The following MAGI2 variants were observed in gnomAD, a reference collection of about 807,000 sequenced individuals.
The protein encoded by MAGI2 is membrane-associated guanylate kinase, WW and PDZ domain-containing protein 2.
Under a neutral mutation model 133.3 loss-of-function variants are expected in MAGI2, and 35 were observed. The observed-to-expected ratio is 0.26, with a 90% CI of 0.20 to 0.35. The LOEUF (loss-of-function observed/expected upper bound fraction) is 0.35, where lower values mean the gene tolerates loss of function less well. Among genes scored for constraint, MAGI2 ranks in the 10% least tolerant of loss-of-function variants. MAGI2 has a pLI of 1.00. For missense variants in MAGI2, 1,636 were observed against 1,863.4 expected, an observed-to-expected ratio of 0.88 and a Z score of 2.25; for synonymous variants, 729 against 710.6, an observed-to-expected ratio of 1.03 and a Z score of -0.41.
At chr7:78,065,341 C>T (rs1173661475) in intron 21 of MAGI2, among the ~76,000 whole-genome samples, 1 of 152,152 alleles carries the variant, frequency 6.6e-6, no homozygotes, top group Non-Finnish European at 1.5e-5. Flanking sequence ...TGCTTCCTTC[C>T]TGCTGGGGTC....
chr7:79,149,104 A>ATATAT (rs1006652898), intron 1 of MAGI2, among the ~76,000 whole-genome samples: 2 of 144,272 alleles, frequency 1.4e-5, no homozygotes, highest in African/African-American at 5.1e-5. Context: ...ATGTAATATA[A>ATATAT]TATATTATAT....
At chr7:79,312,711 T>G (rs1036480593) in intron 1 of MAGI2, among the ~76,000 whole-genome samples, 1 of 152,204 alleles carries the variant, frequency 6.6e-6, no homozygotes, top group Admixed American at 6.5e-5. Context: ...TGGCACAAAG[T>G]GTGCATACAA....
intron 2 of MAGI2, among the ~76,000 whole-genome samples, chr7:78,983,980 A>G (rs540294775): frequency 1.2e-4 from 18 of 152,042 alleles, no homozygotes; most frequent in Non-Finnish European, 2.4e-4. Flanking sequence ...TGTTATCTCC[A>G]TTTAAATGTC....
At chr7:78,904,352 G>C (rs1048600693) in intron 2 of MAGI2, among the ~76,000 whole-genome samples, 1 of 152,196 alleles carries the variant, frequency 6.6e-6, no homozygotes, top group African/African-American at 2.4e-5. Flanking sequence ...TAATACTAGT[G>C]GTCCTGAAGA....
intron 21 of MAGI2, among the ~76,000 whole-genome samples, chr7:78,058,624 A>C (rs1282394642): frequency 6.6e-6 from 1 of 151,988 alleles, no homozygotes; most frequent in East Asian, 1.9e-4. Context: ...GGCGCCTGCC[A>C]CCACGCCCAG....
chr7:79,031,479 C>A (rs1448884649), intron 1 of MAGI2, among the ~76,000 whole-genome samples: 2 of 152,102 alleles, frequency 1.3e-5, no homozygotes, highest in Non-Finnish European at 2.9e-5. Flanking sequence ...CACATTATGT[C>A]TCAAAATATT....
intron 21 of MAGI2, among the ~76,000 whole-genome samples, chr7:78,033,555 C>T (rs1483635742): frequency 1.3e-5 from 2 of 151,098 alleles, no homozygotes; most frequent in Non-Finnish European, 2.9e-5. Flanking sequence ...TAAAGAAGAA[C>T]AAGACACAGT....
chr7:79,166,776 T>G (rs1824961752), intron 1 of MAGI2, among the ~76,000 whole-genome samples: 1 of 151,682 alleles, frequency 6.6e-6, no homozygotes, highest in African/African-American at 2.4e-5. Flanking sequence ...GTAAGACTAA[T>G]TTTTTTTTCA....
chr7:78,440,128 T>C (rs983090525), intron 6 of MAGI2, among the ~76,000 whole-genome samples: 2 of 152,096 alleles, frequency 1.3e-5, no homozygotes, highest in Admixed American at 6.6e-5. Context: ...ATGACTCCCA[T>C]TATATTTCTA....
At chr7:79,033,073 C>T (rs1429822583) in intron 1 of MAGI2, among the ~76,000 whole-genome samples, 1 of 152,084 alleles carries the variant, frequency 6.6e-6, no homozygotes, top group Non-Finnish European at 1.5e-5. Context: ...GTTTAGAAGA[C>T]CTAGTTGAGG....
chr7:78,070,350 C>G (rs1585008285), intron 21 of MAGI2, among the ~76,000 whole-genome samples: 1 of 148,928 alleles, frequency 6.7e-6, no homozygotes, highest in East Asian at 2.0e-4. Context: ...CCATGAATGT[C>G]AGAAGCTGAA....
intron 16 of MAGI2, among the ~76,000 whole-genome samples, chr7:78,145,563 T>C (rs1181814190): frequency 6.6e-6 from 1 of 152,156 alleles, no homozygotes; most frequent in Non-Finnish European, 1.5e-5. Flanking sequence ...CATGGTAGAA[T>C]TAGTACCATT....
intron 2 of MAGI2, among the ~76,000 whole-genome samples, chr7:78,930,434 A>G (rs1348617697): frequency 2.0e-5 from 3 of 152,122 alleles, no homozygotes; most frequent in Non-Finnish European, 2.9e-5. Context: ...AAATTTAAAA[A>G]GCAAACAGCA....
At chr7:78,692,544 G>C (rs1017427678) in intron 2 of MAGI2, among the ~76,000 whole-genome samples, 6 of 152,210 alleles carry the variant, frequency 3.9e-5, no homozygotes, top group Non-Finnish European at 7.3e-5. Context: ...TAAGTGTTAA[G>C]AGCTGCAAAG....
intron 2 of MAGI2, among the ~76,000 whole-genome samples, chr7:78,777,034 G>T (rs898992686): frequency 3.9e-5 from 6 of 152,104 alleles, no homozygotes; most frequent in Non-Finnish European, 7.4e-5. Context: ...CTTTTTGACT[G>T]TTTAGGTCAA....
intron 2 of MAGI2, among the ~76,000 whole-genome samples, chr7:78,843,439 A>G (rs1221633423): frequency 6.6e-6 from 1 of 151,862 alleles, no homozygotes; most frequent in African/African-American, 2.4e-5. Context: ...TGATAACAGC[A>G]TGATAAGGAC....
At chr7:78,955,732 T>TCTTTCTTTCTTC (rs1802280082) in intron 2 of MAGI2, among the ~76,000 whole-genome samples, 4 of 33,708 alleles carry the variant, frequency 1.2e-4, no homozygotes, top group African/African-American at 3.6e-4. Flanking sequence ...TCTCTTTCTT[T>TCTTTCTTTCTTC]CTTTCTTTCT....
chr7:79,452,838 C>T (rs1849380220), intron 1 of MAGI2, 182 bp downstream of exon 1: 1 of 632,650 alleles, frequency 1.6e-6, no homozygotes, highest in African/African-American at 1.8e-5. Context: ...CCTGCCCCTC[C>T]CCTCCCTTTA....
intron 1 of MAGI2, chr7:79,124,961 C>T (rs1361651115): frequency 6.0e-5 from 17 of 281,716 alleles, no homozygotes; most frequent in African/African-American, 2.5e-4. Flanking sequence ...TTAAAAGCCA[C>T]GAAAGGTGGA....
Sources: gnomAD v4.1 joint callset for allele counts (sites outside exome capture counted in the v4.1 genomes callset) on GRCh38, gnomAD v4.1.1 for gene constraint, MANE v1.5 for transcripts, NCBI Gene and HGNC (gene_info 2026-07-23, HGNC 2026-07-21) for gene names.